The following F8 variants were observed in gnomAD, a reference collection of about 807,000 sequenced individuals.
F8 encodes the protein coagulation factor VIII.
In F8, 12 loss-of-function variants were observed where a neutral mutation model predicts 140.6. The ratio of observed to expected loss-of-function variants is 0.09; its 90% CI spans 0.05 to 0.14. The LOEUF is 0.14. Ranked by LOEUF, F8 falls within the 10% of genes least tolerant of loss-of-function variation. F8 has a pLI of 1.00. For missense variants in F8, 1,354 were observed against 1,720.7 expected, an observed-to-expected ratio of 0.79 and a Z score of 3.77; for synonymous variants, 585 against 614.6, an observed-to-expected ratio of 0.95 and a Z score of 0.71.
intron 5 of F8, among the ~76,000 whole-genome samples, chrX:154,986,646 T>G (rs1243336795): frequency 1.8e-5 from 2 of 111,233 alleles, no homozygotes; most frequent in Non-Finnish European, 3.8e-5. Context: ...TTCAGTAAGC[T>G]TCCTTTGAGA....
intron 25 of F8, among the ~76,000 whole-genome samples, chrX:154,844,315 GAATTCTGTA>G (rs2072546318): frequency 9.0e-6 from 1 of 111,723 alleles, no homozygotes; most frequent in Non-Finnish European, 1.9e-5. Flanking sequence ...TAGTTTTTTA[GAATTCTGTA>G]AAGAAAGTCA....
At chrX:154,861,393 G>A (rs781884159) in intron 24 of F8, among the ~76,000 whole-genome samples, 4 of 111,783 alleles carry the variant, frequency 3.6e-5, no homozygotes, top group Non-Finnish European at 5.6e-5. Flanking sequence ...TGCAGTAAAT[G>A]TTTACTTTTC....
At chrX:154,935,370 T>C (rs2073218357) in intron 13 of F8, among the ~76,000 whole-genome samples, 1 of 111,635 alleles carries the variant, frequency 9.0e-6, no homozygotes, top group Non-Finnish European at 1.9e-5. Flanking sequence ...AGTTCAGAAA[T>C]AAACTCTCAC....
At chrX:154,961,041 G>T in intron 10 of F8, 34 bp downstream of exon 10, 1 of 937,194 alleles carries the variant, frequency 1.1e-6, no homozygotes, top group Non-Finnish European at 1.5e-6. Context: ...GTATCTACAG[G>T]TAAAAAAGAG....
chrX:154,845,204 T>C (rs1413886970), intron 25 of F8, among the ~76,000 whole-genome samples: 20 of 112,085 alleles, frequency 1.8e-4, no homozygotes, highest in African/African-American at 6.5e-4. Flanking sequence ...CAGTATTTTA[T>C]TGAGGATTTT....
chrX:154,936,669 A>G (rs782742253), intron 13 of F8, among the ~76,000 whole-genome samples: 5 of 112,167 alleles, frequency 4.5e-5, no homozygotes, highest in Non-Finnish European at 5.6e-5. Context: ...CATGTCTGTA[A>G]GAAACAGATA....
At position 154,837,567 on chromosome X, in the gene F8, C is replaced by T. The variant is rs376482768; in HGVS notation, c.*30G>A. ...CCTGGAGCTGAGGAGGGAGAGGTGACGGCAGTGGCAGGTGCTGCAGTGGCC... is the reference window on the plus strand; with the variant it reads ...CCTGGAGCTGAGGAGGGAGAGGTGATGGCAGTGGCAGGTGCTGCAGTGGCC... On this transcript the variant is annotated 3_prime_UTR_variant, in exon 26 of 26. Coordinates refer to ENST00000360256, the MANE Select transcript of F8 (RefSeq NM_000132.4). 1.9e-4 allele frequency: 225 copies of T among 1,184,721 alleles called. 2 individuals are homozygous for T. The highest frequency in any genetic ancestry group is 3.9e-4 in the South Asian group (21 of 53,923).
At chrX:155,004,398 GAAA>G (rs2073665872) in intron 1 of F8, among the ~76,000 whole-genome samples, 1 of 112,277 alleles carries the variant, frequency 8.9e-6, no homozygotes, top group African/African-American at 3.2e-5. Context: ...ATGAATAAAT[GAAA>G]AGAACATCAG....
chrX:154,966,564 C>T lies in F8; in HGVS notation c.1133G>A (p.Arg378Lys). 2 of 1,211,561 alleles carry T rather than the reference C, an allele frequency of 1.7e-6. No homozygotes were observed. Among genetic ancestry groups the T allele is most frequent in the African/African-American group, 1.7e-5 (1 of 57,732 alleles). The change falls in exon 8 of 26, where the codon AGG (arginine) becomes AAG (lysine). Residue 378 changes from arginine (R) to lysine (K), a missense_variant. By Grantham distance (26) the Arg-to-Lys change is conservative (BLOSUM62 2). This residue lies in a region of F8 where 252 missense variants were observed against 338.5 expected (regional missense o/e 0.74). Transcript: ENST00000360256. ...DLTDSEMDVVRFDDDNSPSFI... is the reference protein window; with the variant it reads ...DLTDSEMDVVKFDDDNSPSFI... The stretch of plus-strand genomic sequence containing the variant: ...GGAAGGAGAGTTGTCATCATCAAAC[C>T]TGACCACATCCATTTCAGAATCAGT...
rs893007452 is a variant in F8, at chrX:154,836,238, T to C, written c.*1359A>G. ...ATTTTTCTTTCATATTAGGATCTCCTGTTTTCCATTTGCCCTGGGTTGCAA... is the reference window on the plus strand; with the variant it reads ...ATTTTTCTTTCATATTAGGATCTCCCGTTTTCCATTTGCCCTGGGTTGCAA... On this transcript the variant is annotated 3_prime_UTR_variant, in exon 26 of 26. Coordinates refer to ENST00000360256, the MANE Select transcript of F8 (RefSeq NM_000132.4). 2.1e-4 allele frequency: 24 copies of C among 112,074 alleles called. No homozygotes were observed. The highest frequency in any genetic ancestry group is 7.8e-4 in the African/African-American group (24 of 30,785). 9.2% of individuals were successfully genotyped at this position (112,074 alleles called of 1,213,427 possible).
intron 13 of F8, among the ~76,000 whole-genome samples, chrX:154,944,966 C>G (rs782600273): frequency 9.1e-6 from 1 of 109,742 alleles, no homozygotes; most frequent in African/African-American, 3.3e-5. Context: ...GGGAATTGAA[C>G]AATGAGAACA....
chrX:155,013,722 A>C (rs1603437464), intron 1 of F8, among the ~76,000 whole-genome samples: 2 of 111,994 alleles, frequency 1.8e-5, no homozygotes, highest in African/African-American at 6.5e-5. Flanking sequence ...TGGGTGACTT[A>C]AACAACAGAA....
chrX:154,964,081 GCACA>G (rs782052060), intron 9 of F8, among the ~76,000 whole-genome samples: 1 of 106,341 alleles, frequency 9.4e-6, no homozygotes, highest in Non-Finnish European at 2.0e-5. Context: ...TGTGTGAAAT[GCACA>G]CACACACACA....
chrX:154,955,856 A>T (rs1557281153), intron 11 of F8, among the ~76,000 whole-genome samples: 2 of 112,010 alleles, frequency 1.8e-5, no homozygotes, highest in African/African-American at 6.5e-5. Context: ...ATTGTCATTG[A>T]TAAACATCTT....
At chrX:154,992,657 G>A (rs1167347168) in intron 4 of F8, among the ~76,000 whole-genome samples, 1 of 112,044 alleles carries the variant, frequency 8.9e-6, no homozygotes, top group Admixed American at 9.4e-5. Flanking sequence ...TACTGATAAA[G>A]CCCACAGATT....
chrX:154,891,631 G>A (rs949863064), intron 22 of F8, among the ~76,000 whole-genome samples: 1 of 112,404 alleles, frequency 8.9e-6, no homozygotes, highest in African/African-American at 3.2e-5. Flanking sequence ...CTGATGCATG[G>A]GCAGTAAACT....
intron 25 of F8, among the ~76,000 whole-genome samples, chrX:154,841,305 T>C (rs1557271328): frequency 9.5e-6 from 1 of 105,326 alleles, no homozygotes; most frequent in African/African-American, 3.5e-5. Context: ...TATAAACTTA[T>C]AGTACTTTTT....
Position 154,929,804 on chromosome X carries a change from C to T in F8, c.3986G>A (p.Arg1329His), listed in dbSNP as rs782767347. The part of the protein sequence containing the change: ...NTSQQNFVTQ[R>H]SKRALKQFRL... ...GAATTGTTTCAAAGCTCTCTTACTA[C>T]GTTGCGTGACAAAATTCTGCTGGCT... is the stretch of plus-strand genomic sequence containing the variant. Residue 1329 changes from arginine (R) to histidine (H), a missense_variant, in exon 14 of 26, where the codon CGT (arginine) becomes CAT (histidine). Arg to His is a conservative substitution (Grantham distance 29, BLOSUM62 0). Transcript: ENST00000360256. 19 of 1,209,922 alleles carry T rather than the reference C, an allele frequency of 1.6e-5. No individual in the cohort carries two copies. In the South Asian group the frequency reaches 1.9e-4, roughly 12 times the overall value.
intron 22 of F8, among the ~76,000 whole-genome samples, chrX:154,868,773 C>T (rs1424116818): frequency 2.7e-5 from 3 of 110,879 alleles, no homozygotes; most frequent in Admixed American, 9.6e-5. Context: ...AGAGTCAAGA[C>T]CCATCAGTAT....
Sources: gnomAD v4.1 joint callset for allele counts (sites outside exome capture counted in the v4.1 genomes callset) on GRCh38, gnomAD v4.1.1 for gene constraint, gnomAD v4.1.1 regional missense constraint, MANE v1.5 for transcripts, NCBI Gene and HGNC (gene_info 2026-07-23, HGNC 2026-07-21) for gene names.